Variants in CPSF3 observed in about 807,000 individuals in gnomAD.
CPSF3 encodes cleavage and polyadenylation specific factor 3, also known as cleavage and polyadenylation specificity factor subunit 3.
In CPSF3, 57 loss-of-function variants were observed where a neutral mutation model predicts 84.1. The observed-to-expected ratio is 0.68, with a 90% CI of 0.55 to 0.85. CPSF3 has a LOEUF of 0.85. Among genes scored for constraint, CPSF3 ranks in the 40% least tolerant of loss-of-function variants. The pLI is 0.00. For synonymous variants in CPSF3, 275 were observed against 278.1 expected (o/e 0.99, Z 0.11); for missense variants, 522 against 838.8 (o/e 0.62, Z 4.66).
At chr2:9,453,052 T>G in intron 12 of CPSF3, 31 bp downstream of exon 12, 1 of 1,347,066 alleles carries the variant, frequency 7.4e-7, no homozygotes, top group Non-Finnish European at 1.0e-6. Context: ...CAAATCCAAC[T>G]TCACCTTAGC....
chr2:9,460,232 A>G (rs1016617483), intron 15 of CPSF3, among the ~76,000 whole-genome samples: 1 of 152,162 alleles, frequency 6.6e-6, no homozygotes, highest in Non-Finnish European at 1.5e-5. Context: ...GATCGAGACC[A>G]TCCTGGCTAA....
Position 9,433,480 on chromosome 2 carries a change from G to C in CPSF3, c.520-391G>C, listed in dbSNP as rs1307884315. Among the ~76,000 whole-genome samples the C allele has an allele frequency of 2.6e-5, 4 of 152,178 alleles. No homozygotes were observed. In the East Asian group the frequency reaches 7.7e-4, roughly 29 times the overall value. On this transcript the variant is annotated intron_variant, in intron 5 of 17. Coordinates refer to ENST00000238112, the MANE Select transcript of CPSF3 (RefSeq NM_016207.4). ...AAATAAGTAGCACAAATGCAGATGT[G>C]AATTCTCTTGGAATTTGATGCAGAC...
chr2:9,443,194 C>G (rs1681013154), intron 9 of CPSF3, among the ~76,000 whole-genome samples: 1 of 152,088 alleles, frequency 6.6e-6, no homozygotes. Flanking sequence ...AGAAATATAT[C>G]CACATATCTA....
intron 16 of CPSF3, among the ~76,000 whole-genome samples, chr2:9,469,732 G>T (rs890913745): frequency 1.4e-4 from 21 of 152,286 alleles, no homozygotes; most frequent in African/African-American, 4.8e-4. Context: ...GCCAGGAATG[G>T]GAGGTTCCCA....
At chr2:9,451,624 C>T (rs977171529) in intron 11 of CPSF3, among the ~76,000 whole-genome samples, 2 of 151,936 alleles carry the variant, frequency 1.3e-5, no homozygotes, top group African/African-American at 4.8e-5. Flanking sequence ...ATAAGCCAGG[C>T]ATGGTGGCGC....
chr2:9,472,946 G>A lies in CPSF3; in HGVS notation c.1984G>A (p.Asp662Asn). The change falls in exon 18 of 18, where the codon GAT becomes AAT. Residue 662 changes from aspartate to asparagine, a missense_variant. This residue lies in a region of CPSF3 where 193 missense variants were observed against 231.6 expected (regional missense o/e 0.83). Coordinates refer to ENST00000238112, the MANE Select transcript of CPSF3 (RefSeq NM_016207.4). Reference sequence around the variant, plus strand: ...AGAATGTGAAGAGGGAAGTGAAGACGATGAATCCCTCCGAGAAATGGTGGA... The same window carrying A: ...AGAATGTGAAGAGGGAAGTGAAGACAATGAATCCCTCCGAGAAATGGTGGA... ...TVECEEGSED[D>N]ESLREMVELA... The A allele has an allele frequency of 1.9e-6, 3 of 1,613,812 alleles. No individual in the cohort carries two copies. The highest frequency in any genetic ancestry group is 1.7e-6 in the Non-Finnish European group (2 of 1,179,812).
chr2:9,463,598 C>T (rs1025561327), intron 15 of CPSF3, among the ~76,000 whole-genome samples: 1 of 152,192 alleles, frequency 6.6e-6, no homozygotes, highest in African/African-American at 2.4e-5. Context: ...AGCACTTGCT[C>T]CTTTCAAAGG....
chr2:9,453,369 A>AT (rs1450532854), intron 12 of CPSF3, among the ~76,000 whole-genome samples: 1 of 152,216 alleles, frequency 6.6e-6, no homozygotes, highest in Non-Finnish European at 1.5e-5. Context: ...TTGCATAAGC[A>AT]TTTCAGTTTT....
chr2:9,450,002 G>GT (rs897419759), intron 11 of CPSF3, among the ~76,000 whole-genome samples: 3 of 151,930 alleles, frequency 2.0e-5, no homozygotes, highest in Admixed American at 1.3e-4. Flanking sequence ...CCCATGTTCT[G>GT]TTTTTTTGTT....
chr2:9,466,623 C>T (rs1319701950), intron 15 of CPSF3, among the ~76,000 whole-genome samples: 1 of 151,574 alleles, frequency 6.6e-6, no homozygotes, highest in Non-Finnish European at 1.5e-5. Flanking sequence ...AAATGCACAC[C>T]TCCGAAAAGG....
chr2:9,466,926 T>G (rs1682001575), intron 15 of CPSF3, among the ~76,000 whole-genome samples: 1 of 152,208 alleles, frequency 6.6e-6, no homozygotes. Context: ...ATACTTCGGT[T>G]GTTTCTATTT....
intron 1 of CPSF3, 80 bp downstream of exon 1, chr2:9,423,903 C>T: frequency 6.4e-7 from 1 of 1,562,472 alleles, no homozygotes. Flanking sequence ...CCTCCTCCGT[C>T]GCCCGCGCTC....
At chr2:9,445,382 A>G (rs1041819934) in intron 10 of CPSF3, among the ~76,000 whole-genome samples, 1 of 152,202 alleles carries the variant, frequency 6.6e-6, no homozygotes, top group Admixed American at 6.5e-5. Flanking sequence ...GGGTTGTGTC[A>G]CTTTACAGCA....
intron 15 of CPSF3, among the ~76,000 whole-genome samples, chr2:9,461,075 T>G (rs1681711579): frequency 6.6e-6 from 1 of 152,226 alleles, no homozygotes. Flanking sequence ...AATAAATACT[T>G]AGACAATCTA....
At chr2:9,431,540 C>CTTTTTTTTTTT (rs1198118780) in intron 4 of CPSF3, among the ~76,000 whole-genome samples, 4 of 84,146 alleles carry the variant, frequency 4.8e-5, no homozygotes, top group African/African-American at 1.6e-4. Flanking sequence ...TTTTTTTTTT[C>CTTTTTTTTTTT]TTTTTTTTTT....
chr2:9,455,907 A>G (rs1681509884), intron 13 of CPSF3, 150 bp downstream of exon 13: 2 of 541,558 alleles, frequency 3.7e-6, no homozygotes, highest in Non-Finnish European at 6.3e-6. Context: ...TATTGCCTTT[A>G]TGTGAAATTT....
intron 16 of CPSF3, 64 bp downstream of exon 16, chr2:9,467,840 C>G (rs1682027254): frequency 1.5e-6 from 2 of 1,305,688 alleles, no homozygotes; most frequent in Admixed American, 1.7e-5. Flanking sequence ...GCCCTGGATT[C>G]GGCTCTGACT....
intron 12 of CPSF3, 53 bp from the exon 13 acceptor site, chr2:9,455,606 A>G (rs1327535862): frequency 8.3e-7 from 1 of 1,203,544 alleles, no homozygotes; most frequent in Non-Finnish European, 1.2e-6. Context: ...TGCTCCTGGT[A>G]TGTGTTTTGT....
intron 15 of CPSF3, among the ~76,000 whole-genome samples, chr2:9,465,347 G>A (rs576498951): frequency 3.2e-4 from 48 of 152,260 alleles, no homozygotes; most frequent in African/African-American, 1.2e-3. Flanking sequence ...GAGAGGCTGA[G>A]ATGAGAGGAT....
Sources: gnomAD v4.1 joint callset for allele counts (sites outside exome capture counted in the v4.1 genomes callset) on GRCh38, gnomAD v4.1.1 for gene constraint, gnomAD v4.1.1 regional missense constraint, MANE v1.5 for transcripts, NCBI Gene and HGNC (gene_info 2026-07-23, HGNC 2026-07-21) for gene names.